The following RPS6KC1 variants were observed in gnomAD, a reference collection of about 807,000 sequenced individuals.
RPS6KC1 encodes the protein inactive ribosomal protein S6 kinase delta-1.
RPS6KC1 carries 54 observed loss-of-function variants against 103.8 expected under a neutral mutation model. That is an observed-to-expected ratio of 0.52 (90% CI 0.42 to 0.65). The LOEUF is 0.65. Among genes scored for constraint, RPS6KC1 ranks in the 30% least tolerant of loss-of-function variants. The pLI is 0.00. For missense variants in RPS6KC1, 1,151 were observed against 1,253.8 expected (o/e 0.92, Z 1.24); for synonymous variants, 439 against 438.7 (o/e 1.00, Z -0.01).
intron 1 of RPS6KC1, among the ~76,000 whole-genome samples, chr1:213,069,449 A>G (rs77547087): frequency 0.02 from 3,122 of 152,318 alleles, 106 homozygotes; most frequent in African/African-American, 0.07. Flanking sequence ...CCAGGCAGTT[A>G]GTATTATCTC....
chr1:213,687,435 C>A, the RPS6KC1 span, among the ~76,000 whole-genome samples: 2 of 75,280 alleles, frequency 2.7e-5, no homozygotes, highest in African/African-American at 6.8e-5. Flanking sequence ...GATGTCCACA[C>A]CTACTTTTTA....
At chr1:213,151,097 T>TG (rs1455818619) in intron 6 of RPS6KC1, among the ~76,000 whole-genome samples, 3 of 119,814 alleles carry the variant, frequency 2.5e-5, no homozygotes, top group African/African-American at 6.3e-5. Flanking sequence ...ACCTCCCGGA[T>TG]GGGGGGGCTG....
At chr1:213,674,350 G>A in the RPS6KC1 span, among the ~76,000 whole-genome samples, 1 of 152,118 alleles carries the variant, frequency 6.6e-6, no homozygotes, top group Non-Finnish European at 1.5e-5. Flanking sequence ...AGTACCCAAT[G>A]TTTAGCTCCC....
the RPS6KC1 span, among the ~76,000 whole-genome samples, chr1:213,483,221 T>C: frequency 2.6e-5 from 4 of 152,098 alleles, no homozygotes; most frequent in African/African-American, 4.8e-5. Context: ...TGAGAACTCA[T>C]TATCATGAGA....
the RPS6KC1 span, among the ~76,000 whole-genome samples, chr1:213,651,226 A>C: frequency 6.6e-6 from 1 of 152,184 alleles, no homozygotes; most frequent in East Asian, 1.9e-4. Context: ...GGGGCAGGCT[A>C]CATCTCCCCA....
the RPS6KC1 span, among the ~76,000 whole-genome samples, chr1:213,679,382 C>T: frequency 1.3e-5 from 2 of 152,180 alleles, no homozygotes; most frequent in East Asian, 1.9e-4. Flanking sequence ...AGTCAGGCTG[C>T]GTGCTAAGTG....
At chr1:213,325,520 T>G in the RPS6KC1 span, among the ~76,000 whole-genome samples, 1 of 152,226 alleles carries the variant, frequency 6.6e-6, no homozygotes, top group Non-Finnish European at 1.5e-5. Context: ...CTTTGCATCT[T>G]TTGGGGAGGT....
the RPS6KC1 span, among the ~76,000 whole-genome samples, chr1:213,446,599 G>A: frequency 6.6e-6 from 1 of 152,124 alleles, no homozygotes; most frequent in African/African-American, 2.4e-5. Flanking sequence ...GTAAACCATA[G>A]CCACAAAACG....
chr1:213,560,664 A>G, the RPS6KC1 span, among the ~76,000 whole-genome samples: 1 of 152,204 alleles, frequency 6.6e-6, no homozygotes, highest in South Asian at 2.1e-4. Flanking sequence ...CGACAGAACT[A>G]TGACCTAATA....
chr1:213,241,594 A>G lies in RPS6KC1; in HGVS notation c.2118A>G (p.Ala706=), dbSNP rs1481218524. 1 of 1,613,980 alleles carries G rather than the reference A, an allele frequency of 6.2e-7. No homozygotes were observed. Among genetic ancestry groups the G allele is most frequent in the Admixed American group, 1.7e-5 (1 of 59,960 alleles). The change falls in exon 11 of 15, where the codon GCA becomes GCG. Residue 706 remains alanine, a synonymous_variant. Transcript: ENST00000366960. ...PGELESTREA[A]AMGPTKFTQT... ...AATTGGAGTCAACAAGAGAAGCTGC[A>G]GCAATGGGACCTACTAAGTTTACAC...
At chr1:213,053,408 T>C (rs1262012017) in intron 1 of RPS6KC1, among the ~76,000 whole-genome samples, 6 of 152,254 alleles carry the variant, frequency 3.9e-5, no homozygotes, top group Non-Finnish European at 7.3e-5. Flanking sequence ...TGAAAAACAT[T>C]GTTGAATGTT....
At chr1:213,589,846 A>G in the RPS6KC1 span, among the ~76,000 whole-genome samples, 2 of 151,910 alleles carry the variant, frequency 1.3e-5, no homozygotes. Flanking sequence ...GAGAGTTATC[A>G]GGCAATGGGC....
the RPS6KC1 span, among the ~76,000 whole-genome samples, chr1:213,604,298 CT>C: frequency 6.6e-6 from 1 of 152,254 alleles, no homozygotes; most frequent in Non-Finnish European, 1.5e-5. Flanking sequence ...ATTCAAGAAA[CT>C]TTCCCATACT....
At chr1:213,457,059 C>T in the RPS6KC1 span, among the ~76,000 whole-genome samples, 74 of 152,236 alleles carry the variant, frequency 4.9e-4, 1 homozygote, top group South Asian at 1.5e-3. Context: ...TAGAATGTTT[C>T]GTTTAAAATA....
chr1:213,399,913 T>C, the RPS6KC1 span, among the ~76,000 whole-genome samples: 1 of 152,146 alleles, frequency 6.6e-6, no homozygotes, highest in East Asian at 1.9e-4. Flanking sequence ...AAGAGAGCTT[T>C]TGTTGTCACT....
chr1:213,219,696 C>A (rs567428294), intron 8 of RPS6KC1, among the ~76,000 whole-genome samples: 1 of 152,222 alleles, frequency 6.6e-6, no homozygotes, highest in African/African-American at 2.4e-5. Context: ...AGGATGAGTT[C>A]ATGTCCTTTG....
At chr1:213,787,815 C>T in the RPS6KC1 span, among the ~76,000 whole-genome samples, 1 of 152,114 alleles carries the variant, frequency 6.6e-6, no homozygotes, top group East Asian at 1.9e-4. Context: ...TGATGTGGAA[C>T]AAGTGCTCAA....
chr1:213,139,693 A>G (rs1245801821), intron 6 of RPS6KC1, among the ~76,000 whole-genome samples: 2 of 151,950 alleles, frequency 1.3e-5, no homozygotes, highest in African/African-American at 4.8e-5. Flanking sequence ...GAAGGGTTTC[A>G]TTGGTCTGTG....
the RPS6KC1 span, among the ~76,000 whole-genome samples, chr1:213,375,809 T>C: frequency 6.6e-6 from 1 of 152,230 alleles, no homozygotes; most frequent in Non-Finnish European, 1.5e-5. Context: ...TGTTTCTTCC[T>C]TTCTGCATTT....
Sources: gnomAD v4.1 joint callset for allele counts (sites outside exome capture counted in the v4.1 genomes callset) on GRCh38, gnomAD v4.1.1 for gene constraint, MANE v1.5 for transcripts, NCBI Gene and HGNC (gene_info 2026-07-23, HGNC 2026-07-21) for gene names.